The following FAF1 variants were observed in gnomAD, a reference collection of about 807,000 sequenced individuals.
FAF1 encodes Fas associated factor 1.
A neutral mutation model predicts 92.5 loss-of-function variants in FAF1; 25 were observed. That is an observed-to-expected ratio of 0.27 (90% CI 0.20 to 0.38). FAF1 has a LOEUF of 0.38. Ranked by LOEUF, FAF1 falls within the 10% of genes least tolerant of loss-of-function variation. The pLI, the probability that FAF1 is intolerant of heterozygous loss-of-function variation, is 1.00. For synonymous variants in FAF1, 234 were observed against 273.2 expected, an observed-to-expected ratio of 0.86 and a Z score of 1.42; for missense variants, 636 against 793.3, an observed-to-expected ratio of 0.80 and a Z score of 2.38.
chr1:50,887,786 C>A (rs1005878781), intron 1 of FAF1, among the ~76,000 whole-genome samples: 1 of 152,052 alleles, frequency 6.6e-6, no homozygotes, highest in Non-Finnish European at 1.5e-5. Flanking sequence ...TGTAGCTTTG[C>A]AGTATAGTTT....
chr1:50,947,609 A>T (rs764232035), intron 1 of FAF1, among the ~76,000 whole-genome samples: 72 of 152,394 alleles, frequency 4.7e-4, no homozygotes, highest in African/African-American at 1.5e-3. Flanking sequence ...ATAATCAGGA[A>T]GAGTGAATAA....
chr1:50,823,132 T>C (rs1041289049), intron 2 of FAF1, among the ~76,000 whole-genome samples: 2 of 152,124 alleles, frequency 1.3e-5, no homozygotes, highest in South Asian at 2.1e-4. Flanking sequence ...AAGGGAAGAT[T>C]TTTGGATCGG....
At chr1:50,584,848 T>C (rs758954819) in intron 9 of FAF1, 37 bp from the exon 10 acceptor site, 1 of 1,600,380 alleles carries the variant, frequency 6.2e-7, no homozygotes, top group Non-Finnish European at 8.5e-7. Context: ...TCATATTGAT[T>C]TTGGCCTATC....
chr1:50,826,977 C>A (rs911865617), intron 2 of FAF1, among the ~76,000 whole-genome samples: 1 of 149,174 alleles, frequency 6.7e-6, no homozygotes, highest in Non-Finnish European at 1.5e-5. Flanking sequence ...AGTGCCTCTG[C>A]CCGGCCGCCC....
intron 13 of FAF1, among the ~76,000 whole-genome samples, chr1:50,565,170 T>C (rs529525469): frequency 1.3e-5 from 2 of 152,228 alleles, no homozygotes; most frequent in East Asian, 1.9e-4. Flanking sequence ...ATTTGTAATA[T>C]GGACAGAACT....
chr1:50,732,433 T>C (rs1393601910), intron 6 of FAF1, among the ~76,000 whole-genome samples: 2 of 152,192 alleles, frequency 1.3e-5, no homozygotes, highest in African/African-American at 2.4e-5. Flanking sequence ...CTATATCTTC[T>C]TGTAATTCTG....
intron 1 of FAF1, among the ~76,000 whole-genome samples, chr1:50,928,198 A>G (rs951960300): frequency 4.6e-5 from 7 of 152,208 alleles, no homozygotes; most frequent in African/African-American, 1.7e-4. Flanking sequence ...TCTTTGGCAC[A>G]CAGACGACAA....
chr1:50,576,854 T>C (rs1330796927), intron 12 of FAF1, among the ~76,000 whole-genome samples: 3 of 149,946 alleles, frequency 2.0e-5, no homozygotes, highest in Admixed American at 2.0e-4. Flanking sequence ...TTTGTAGAGA[T>C]GGTGATCTCA....
At chr1:50,446,137 C>A (rs1361842401) in intron 18 of FAF1, among the ~76,000 whole-genome samples, 1 of 152,160 alleles carries the variant, frequency 6.6e-6, no homozygotes, top group Non-Finnish European at 1.5e-5. Flanking sequence ...AATTATCTAA[C>A]CCCTTCATTT....
At chr1:50,490,538 A>G (rs754126720) in intron 17 of FAF1, 50 bp downstream of exon 17, 10 of 412,106 alleles carry the variant, frequency 2.4e-5, no homozygotes, top group East Asian at 1.8e-4. Flanking sequence ...CAGCTTCAGT[A>G]TCAAATACAA....
chr1:50,441,982 G>A lies in FAF1; in HGVS notation c.1870-459C>T, dbSNP rs147927951. Among the ~76,000 whole-genome samples, 1,007 of 151,758 alleles carry A rather than the reference G, an allele frequency of 6.6e-3. 15 individuals are homozygous for A. The highest frequency in any genetic ancestry group is 0.023 in the African/African-American group (940 of 41,354). ...TGGCCATTCCACCATGCCCAACGAT[G>A]AAGATCTCCCCTGGTGAGGGGAGGC... On this transcript the variant is annotated intron_variant, in intron 18 of 18. Coordinates refer to ENST00000396153, the MANE Select transcript of FAF1 (RefSeq NM_007051.3).
intron 2 of FAF1, among the ~76,000 whole-genome samples, chr1:50,823,841 C>T (rs1373129575): frequency 6.6e-6 from 1 of 151,938 alleles, no homozygotes; most frequent in South Asian, 2.1e-4. Context: ...CTTTTAGATC[C>T]CAATATAAAT....
chr1:50,752,690 G>T (rs1005185604), intron 4 of FAF1, among the ~76,000 whole-genome samples: 2 of 151,718 alleles, frequency 1.3e-5, no homozygotes, highest in Admixed American at 6.6e-5. Flanking sequence ...TTTTGGTTTT[G>T]TTTTGTTTTT....
At chr1:50,688,807 T>G (rs1398665561) in intron 7 of FAF1, among the ~76,000 whole-genome samples, 1 of 152,032 alleles carries the variant, frequency 6.6e-6, no homozygotes, top group Non-Finnish European at 1.5e-5. Flanking sequence ...AGCGAAACTC[T>G]ATCTCAAAAT....
chr1:50,618,592 GT>G (rs1653045968), intron 8 of FAF1, among the ~76,000 whole-genome samples: 1 of 151,698 alleles, frequency 6.6e-6, no homozygotes, highest in African/African-American at 2.4e-5. Flanking sequence ...CCAAAAACTT[GT>G]TTTATGAATC....
chr1:50,845,306 A>G (rs1183500571), intron 2 of FAF1, among the ~76,000 whole-genome samples: 1 of 152,194 alleles, frequency 6.6e-6, no homozygotes, highest in African/African-American at 2.4e-5. Flanking sequence ...CCATGGGTCC[A>G]GAACACTCTC....
intron 12 of FAF1, among the ~76,000 whole-genome samples, chr1:50,573,680 T>C (rs556368393): frequency 1.3e-5 from 2 of 152,120 alleles, no homozygotes; most frequent in Admixed American, 6.5e-5. Flanking sequence ...CTACTGAAGA[T>C]GAGGAGATGC....
At chr1:50,853,441 C>T (rs550612228) in intron 2 of FAF1, among the ~76,000 whole-genome samples, 44 of 152,078 alleles carry the variant, frequency 2.9e-4, no homozygotes, top group African/African-American at 9.2e-4. Context: ...AACACATATG[C>T]GGATTTGTTT....
At chr1:50,552,254 G>A (rs1649342081) in intron 13 of FAF1, among the ~76,000 whole-genome samples, 1 of 149,420 alleles carries the variant, frequency 6.7e-6, no homozygotes. Context: ...CTGAGATTGT[G>A]CCACTGCACT....
Sources: gnomAD v4.1 joint callset for allele counts (sites outside exome capture counted in the v4.1 genomes callset) on GRCh38, gnomAD v4.1.1 for gene constraint, MANE v1.5 for transcripts, NCBI Gene and HGNC (gene_info 2026-07-23, HGNC 2026-07-21) for gene names.